The following RABGAP1 variants were observed in gnomAD, a reference collection of about 807,000 sequenced individuals.
RABGAP1 encodes the protein rab GTPase-activating protein 1.
A neutral mutation model predicts 137.6 loss-of-function variants in RABGAP1; 23 were observed. The ratio of observed to expected loss-of-function variants is 0.17; its 90% CI spans 0.12 to 0.24. The LOEUF is 0.24. Ranked by LOEUF, RABGAP1 falls within the 10% of genes least tolerant of loss-of-function variation. The pLI, the probability that RABGAP1 is intolerant of heterozygous loss-of-function variation, is 1.00. For synonymous variants in RABGAP1, 451 were observed against 450.7 expected, an observed-to-expected ratio of 1.00 and a Z score of -0.01; for missense variants, 906 against 1,275.8, an observed-to-expected ratio of 0.71 and a Z score of 4.42.
In RABGAP1 at chr9:122,990,797, ATATATATATATATATATATAT is replaced by A. The variant is rs1250745095; in HGVS notation, c.923+585_923+605del. ...AAAAAAAAAAAAAAAAAAAAAAAAAATATATATATATATATATATATATATATATATATATATATGGCCAAA... is the reference window on the plus strand; with the variant it reads ...AAAAAAAAAAAAAAAAAAAAAAAAAAATATATATATATATATATGGCCAAA... On this transcript the variant is annotated intron_variant, in intron 6 of 25. Transcript: ENST00000373647. The A allele has an allele frequency of 5.4e-3, 173 of 31,804 alleles. 8 individuals are homozygous for A. Among genetic ancestry groups the A allele is most frequent in the African/African-American group, 0.038 (163 of 4,330 alleles). 2.0% of individuals were successfully genotyped at this position (31,804 alleles called of 1,614,324 possible). A position where few individuals can be genotyped will look rare whatever the true frequency, so the allele number is the denominator to read the frequency against.
intron 14 of RABGAP1, among the ~76,000 whole-genome samples, chr9:123,069,372 A>G (rs568581912): frequency 5.9e-5 from 9 of 152,272 alleles, no homozygotes; most frequent in Middle Eastern, 3.4e-3. Context: ...TGAGGTGCTG[A>G]CTCAAGGTTG....
At chr9:123,006,616 A>G (rs2030291682) in intron 10 of RABGAP1, among the ~76,000 whole-genome samples, 1 of 151,854 alleles carries the variant, frequency 6.6e-6, no homozygotes, top group Non-Finnish European at 1.5e-5. Context: ...TTATTTATTT[A>G]TTTATTTTGA....
intron 21 of RABGAP1, among the ~76,000 whole-genome samples, chr9:123,091,844 C>T (rs546148659): frequency 3.5e-4 from 54 of 152,154 alleles, no homozygotes; most frequent in South Asian, 6.2e-4. Flanking sequence ...TTCCTCCTTA[C>T]GGTGCAAATT....
chr9:123,053,889 A>C (rs2033590392), intron 13 of RABGAP1, among the ~76,000 whole-genome samples: 2 of 152,172 alleles, frequency 1.3e-5, no homozygotes, highest in African/African-American at 4.8e-5. Flanking sequence ...ACTTGAGTTT[A>C]CAAAAGGATG....
intron 13 of RABGAP1, among the ~76,000 whole-genome samples, chr9:123,026,266 G>A (rs1338541027): frequency 1.3e-5 from 2 of 152,182 alleles, no homozygotes; most frequent in Non-Finnish European, 2.9e-5. Context: ...AGAGGTTGCA[G>A]TGAGCCAAAA....
chr9:122,973,356 G>T (rs181994029), intron 2 of RABGAP1, among the ~76,000 whole-genome samples: 253 of 152,174 alleles, frequency 1.7e-3, no homozygotes, highest in African/African-American at 5.4e-3. Flanking sequence ...CCCTGCCTCA[G>T]CCTCCCAGTA....
the RABGAP1 span, among the ~76,000 whole-genome samples, chr9:122,934,899 C>A: frequency 1.6e-4 from 25 of 152,146 alleles, no homozygotes; most frequent in Non-Finnish European, 3.1e-4. Context: ...GCCACTGTGC[C>A]CGGACTTGAC....
intron 13 of RABGAP1, among the ~76,000 whole-genome samples, chr9:123,060,878 A>G (rs2033944349): frequency 6.6e-6 from 1 of 152,230 alleles, no homozygotes; most frequent in Non-Finnish European, 1.5e-5. Flanking sequence ...AAAGTACAAA[A>G]GTGTTCAAAG....
intron 2 of RABGAP1, among the ~76,000 whole-genome samples, chr9:122,975,687 A>G (rs1299324700): frequency 6.6e-6 from 1 of 152,192 alleles, no homozygotes; most frequent in East Asian, 1.9e-4. Context: ...GAGGAATACC[A>G]ACACTTATTG....
chr9:122,997,374 G>A lies in RABGAP1; in HGVS notation c.1204+13G>A. The A allele has an allele frequency of 6.4e-7, 1 of 1,558,022 alleles. No individual in the cohort carries two copies. Among genetic ancestry groups the A allele is most frequent in the Non-Finnish European group, 8.7e-7 (1 of 1,145,546 alleles). On this transcript the variant is annotated intron_variant, in intron 9 of 25. Coordinates refer to ENST00000373647, the MANE Select transcript of RABGAP1 (RefSeq NM_012197.4). ...GAAACTCCTAAAGGTGATACAGATT[G>A]TTGACATCATGAACAGAAATTTTAG...
intron 2 of RABGAP1, among the ~76,000 whole-genome samples, chr9:122,976,665 A>C (rs758454642): frequency 1.3e-5 from 2 of 152,172 alleles, no homozygotes; most frequent in Non-Finnish European, 2.9e-5. Flanking sequence ...TTTCAGGTGT[A>C]TTTTGTCCCA....
At chr9:123,029,763 C>T (rs762378755) in intron 13 of RABGAP1, 105 of 601,426 alleles carry the variant, frequency 1.7e-4, no homozygotes, top group Admixed American at 2.9e-4. Context: ...TCGTGAAGCT[C>T]GGAGAGCAGT....
intron 13 of RABGAP1, chr9:123,034,685 TATTG>T (rs1388685495): frequency 1.9e-6 from 3 of 1,612,878 alleles, no homozygotes; most frequent in African/African-American, 1.3e-5. Context: ...TTTCTAACTG[TATTG>T]ATTATTTCTG....
chr9:122,935,186 G>A, the RABGAP1 span, among the ~76,000 whole-genome samples: 2 of 151,874 alleles, frequency 1.3e-5, no homozygotes, highest in African/African-American at 2.4e-5. Context: ...GTTACCATAG[G>A]TATTACACTC....
intron 6 of RABGAP1, among the ~76,000 whole-genome samples, chr9:122,994,372 G>T (rs1467910018): frequency 6.6e-6 from 1 of 152,132 alleles, no homozygotes; most frequent in Non-Finnish European, 1.5e-5. Flanking sequence ...AGAACATAGA[G>T]ACCAGTGTAT....
Position 123,086,236 on chromosome 9 carries a change from T to C in RABGAP1, c.2425-3522T>C, listed in dbSNP as rs112569980. 2.0e-3 allele frequency among the ~76,000 whole-genome samples: 303 copies of C among 152,324 alleles called. 2 individuals carry two copies. The highest frequency in any genetic ancestry group is 6.8e-3 in the African/African-American group (283 of 41,576). On this transcript the variant is annotated intron_variant, in intron 19 of 25. Transcript: ENST00000373647. Reference sequence around the variant, plus strand: ...TAGGAGTGAGCCAGGTATGAGGTTGTCCAGGCAGAAGGAGCATGCTTGCAT... The same window carrying C: ...TAGGAGTGAGCCAGGTATGAGGTTGCCCAGGCAGAAGGAGCATGCTTGCAT...
At chr9:122,952,089 C>A (rs1201337484) in intron 1 of RABGAP1, among the ~76,000 whole-genome samples, 3 of 151,962 alleles carry the variant, frequency 2.0e-5, no homozygotes, top group Non-Finnish European at 4.4e-5. Context: ...GAAAATAAAG[C>A]ATAATTGAAC....
At chr9:123,039,063 A>G (rs1469894999) in intron 13 of RABGAP1, among the ~76,000 whole-genome samples, 4 of 152,160 alleles carry the variant, frequency 2.6e-5, no homozygotes, top group Non-Finnish European at 5.9e-5. Flanking sequence ...TGTAAATTGT[A>G]AAGTGCTTTG....
intron 13 of RABGAP1, chr9:123,034,791 C>T (rs749126440): frequency 1.9e-6 from 3 of 1,613,692 alleles, no homozygotes; most frequent in Non-Finnish European, 8.5e-7. Context: ...CATATGCTGA[C>T]CTTTTTGTTG....
Sources: allele counts gnomAD v4.1 joint callset (sites outside exome capture counted in the v4.1 genomes callset), GRCh38; gene constraint gnomAD v4.1.1; transcripts MANE v1.5; gene names NCBI Gene and HGNC (gene_info 2026-07-23, HGNC 2026-07-21).